Variants in ICA1L observed in about 807,000 individuals in gnomAD.
ICA1L encodes the protein islet cell autoantigen 1-like protein.
A neutral mutation model predicts 61.3 loss-of-function variants in ICA1L; 50 were observed. The observed-to-expected ratio is 0.82, with a 90% CI of 0.65 to 1.03. ICA1L has a LOEUF of 1.03. Among genes scored for constraint, ICA1L ranks in the 50% least tolerant of loss-of-function variants. The probability of loss-of-function intolerance (pLI) is 0.00; values close to 1 mark genes in which losing one functional copy is unlikely to be tolerated. For missense variants in ICA1L, 508 were observed against 556.7 expected, an observed-to-expected ratio of 0.91 and a Z score of 0.88; for synonymous variants, 161 against 191.3, an observed-to-expected ratio of 0.84 and a Z score of 1.31.
At chr2:202,866,259 A>T (rs1200364539) in intron 1 of ICA1L, among the ~76,000 whole-genome samples, 2 of 152,252 alleles carry the variant, frequency 1.3e-5, no homozygotes, top group Middle Eastern at 3.4e-3. Context: ...CTCTAAGTTC[A>T]TGTGAGAGCT....
At chr2:202,811,812 T>G (rs1287144761) in intron 8 of ICA1L, 23 bp from the exon 9 acceptor site, 2 of 1,559,644 alleles carry the variant, frequency 1.3e-6, no homozygotes, top group Admixed American at 3.5e-5. Context: ...CAAAAAAAAA[T>G]GTAGATTTTT....
At chr2:202,820,750 T>C (rs751593240) in intron 4 of ICA1L, among the ~76,000 whole-genome samples, 9 of 152,310 alleles carry the variant, frequency 5.9e-5, no homozygotes, top group South Asian at 2.1e-4. Context: ...TCCTTCAAGA[T>C]AGACTTTTGC....
Position 202,819,895 on chromosome 2 carries a change from CCAATCTAATGG to C in ICA1L, c.360-7_363del. On this transcript the variant is annotated splice_acceptor_variant and splice_polypyrimidine_tract_variant and coding_sequence_variant and intron_variant, in exon 5 of 13. Coordinates refer to ENST00000358299, the MANE Select transcript of ICA1L (RefSeq NM_001288622.3). LOFTEE classifies it high-confidence loss of function. ...AGACGAGACAGAGGAGTACACAGGGCCAATCTAATGGCAGAGAGGTAAAAATCAGAGGGTTG... is the reference window on the plus strand; with the variant it reads ...AGACGAGACAGAGGAGTACACAGGGCCAGAGAGGTAAAAATCAGAGGGTTG... The C allele has an allele frequency of 1.2e-6, 2 of 1,612,942 alleles. No homozygotes were observed. Among genetic ancestry groups the C allele is most frequent in the Admixed American group, 1.7e-5 (1 of 59,940 alleles).
intron 9 of ICA1L, among the ~76,000 whole-genome samples, chr2:202,810,939 C>A (rs1424619279): frequency 6.6e-6 from 1 of 152,188 alleles, no homozygotes; most frequent in African/African-American, 2.4e-5. Flanking sequence ...GTTGTCTGCT[C>A]TCAAACCGTG....
rs956007975 is a variant in ICA1L at position 202,850,862 on chromosome 2, G to A, written c.-8+20757C>T. Among the ~76,000 whole-genome samples the A allele has an allele frequency of 3.3e-5, 5 of 152,110 alleles. No individual in the cohort carries two copies. In the East Asian group the frequency reaches 9.7e-4, roughly 29 times the overall value. ...GTCAGATTCTCCAAGGTGAAACGAA[G>A]GAAAAAATGTTAAGGGGAGCAAGAG... On this transcript the variant is annotated intron_variant, in intron 1 of 12. Coordinates refer to ENST00000358299, the MANE Select transcript of ICA1L (RefSeq NM_001288622.3).
chr2:202,871,470 C>A (rs1338681960), intron 1 of ICA1L, 149 bp downstream of exon 1: 2 of 150,868 alleles, frequency 1.3e-5, no homozygotes, highest in Non-Finnish European at 3.0e-5. Flanking sequence ...CCAGCAAGGC[C>A]CCGAGAAGCC....
intron 3 of ICA1L, among the ~76,000 whole-genome samples, chr2:202,824,536 A>AT (rs1693782942): frequency 6.6e-6 from 1 of 152,216 alleles, no homozygotes; most frequent in African/African-American, 2.4e-5. Flanking sequence ...ATTGTATTGT[A>AT]TTTTTTGTAC....
chr2:202,781,279 G>T (rs1692394309), intron 12 of ICA1L, among the ~76,000 whole-genome samples: 1 of 151,990 alleles, frequency 6.6e-6, no homozygotes, highest in South Asian at 2.1e-4. Context: ...TCAGAATCAA[G>T]AAGTAGAACA....
chr2:202,863,015 G>A (rs1694963325), intron 1 of ICA1L, among the ~76,000 whole-genome samples: 1 of 151,988 alleles, frequency 6.6e-6, no homozygotes, highest in Admixed American at 6.6e-5. Flanking sequence ...AAAAAAGGCT[G>A]GCACGGTGGC....
chr2:202,842,716 ATTAT>A (rs536571403), intron 1 of ICA1L, among the ~76,000 whole-genome samples: 13 of 152,244 alleles, frequency 8.5e-5, no homozygotes, highest in Admixed American at 2.6e-4. Flanking sequence ...TTTTTCTGCT[ATTAT>A]TTATTTAAGT....
At chr2:202,829,750 CTT>C (rs879435627) in intron 1 of ICA1L, among the ~76,000 whole-genome samples, 4 of 152,132 alleles carry the variant, frequency 2.6e-5, no homozygotes, top group East Asian at 1.9e-4. Flanking sequence ...CGTAATAAAA[CTT>C]ACGATTTTGC....
At chr2:202,811,857 C>T (rs1693388940) in intron 8 of ICA1L, 68 bp from the exon 9 acceptor site, 1 of 1,170,380 alleles carries the variant, frequency 8.5e-7, no homozygotes, top group African/African-American at 1.5e-5. Context: ...ATTCCCCAAA[C>T]AGTTTTATAT....
intron 3 of ICA1L, among the ~76,000 whole-genome samples, chr2:202,822,654 A>T (rs1693731210): frequency 6.6e-6 from 1 of 152,214 alleles, no homozygotes; most frequent in Non-Finnish European, 1.5e-5. Context: ...GCTTAAAGTA[A>T]ATAAACAACA....
intron 1 of ICA1L, among the ~76,000 whole-genome samples, chr2:202,853,836 A>G (rs1321360357): frequency 6.6e-6 from 1 of 152,200 alleles, no homozygotes; most frequent in Non-Finnish European, 1.5e-5. Context: ...ACAGACAAGT[A>G]AACGCTGAGG....
intron 10 of ICA1L, among the ~76,000 whole-genome samples, chr2:202,789,514 C>T (rs1225662801): frequency 6.6e-6 from 1 of 152,144 alleles, no homozygotes; most frequent in Non-Finnish European, 1.5e-5. Flanking sequence ...TAGAAACATT[C>T]TTCTTAACCA....
At position 202,812,914 on chromosome 2, in the gene ICA1L, G is replaced by A. The variant is rs949328409; in HGVS notation, c.867-1125C>T. On this transcript the variant is annotated intron_variant, in intron 8 of 12. Coordinates refer to ENST00000358299, the MANE Select transcript of ICA1L (RefSeq NM_001288622.3). ...TGAATAAAACTCTTATGAAATGTGA[G>A]AATGGAAAAATTTTACTAAATTAAT... is the stretch of plus-strand genomic sequence containing the variant. Among the ~76,000 whole-genome samples, 53 of 152,122 alleles carry A rather than the reference G, an allele frequency of 3.5e-4. 1 individual carries two copies. Among genetic ancestry groups the A allele is most frequent in the African/African-American group, 1.3e-3 (52 of 41,432 alleles).
chr2:202,832,928 T>C (rs1306046082), intron 1 of ICA1L, among the ~76,000 whole-genome samples: 2 of 152,088 alleles, frequency 1.3e-5, no homozygotes, highest in Non-Finnish European at 2.9e-5. Context: ...AGAGATAGAA[T>C]GGGATAGAAA....
At chr2:202,824,976 G>A (rs1693796713) in intron 3 of ICA1L, among the ~76,000 whole-genome samples, 1 of 152,202 alleles carries the variant, frequency 6.6e-6, no homozygotes, top group Non-Finnish European at 1.5e-5. Flanking sequence ...CTTGACAAGA[G>A]AAATTTGGTG....
At chr2:202,829,356 A>C (rs1263126124) in intron 1 of ICA1L, 1 of 160,218 alleles carries the variant, frequency 6.2e-6, no homozygotes, top group Non-Finnish European at 1.4e-5. Flanking sequence ...TCTCAAAAAC[A>C]AAAACAAAAA....
Sources: allele counts gnomAD v4.1 joint callset (sites outside exome capture counted in the v4.1 genomes callset), GRCh38; gene constraint gnomAD v4.1.1; transcripts MANE v1.5; gene names NCBI Gene and HGNC (gene_info 2026-07-23, HGNC 2026-07-21).